Variants in GALNT13 observed in about 807,000 individuals in gnomAD.
GALNT13 encodes UDP-GalNAc:polypeptide N-acetylgalactosaminyltransferase 13.
Under a neutral mutation model 64.2 loss-of-function variants are expected in GALNT13, and 28 were observed. The observed-to-expected ratio is 0.44, with a 90% CI of 0.32 to 0.60. The LOEUF (loss-of-function observed/expected upper bound fraction) is 0.60, where lower values mean the gene tolerates loss of function less well. Among genes scored for constraint, GALNT13 ranks in the 20% least tolerant of loss-of-function variants. GALNT13 has a pLI of 0.05. For missense variants in GALNT13, 577 were observed against 669.8 expected, an observed-to-expected ratio of 0.86 and a Z score of 1.53; for synonymous variants, 214 against 224.6, an observed-to-expected ratio of 0.95 and a Z score of 0.42.
chr2:153,923,256 T>C (rs985719892), intron 2 of GALNT13, among the ~76,000 whole-genome samples: 1 of 152,218 alleles, frequency 6.6e-6, no homozygotes, highest in South Asian at 2.1e-4. Flanking sequence ...ATGTATTAGT[T>C]AATAGCTTTA....
At chr2:154,129,202 A>G (rs962633993) in intron 3 of GALNT13, among the ~76,000 whole-genome samples, 2 of 152,132 alleles carry the variant, frequency 1.3e-5, no homozygotes, top group African/African-American at 4.8e-5. Context: ...CCGCCATCCC[A>G]ATTACCACAC....
intron 3 of GALNT13, among the ~76,000 whole-genome samples, chr2:154,017,672 G>T (rs967727751): frequency 1.3e-5 from 2 of 152,016 alleles, no homozygotes; most frequent in African/African-American, 4.8e-5. Context: ...TATTCGTATC[G>T]CTCTGGCAAA....
chr2:154,160,542 AT>A (rs1175046372), intron 4 of GALNT13, among the ~76,000 whole-genome samples: 1 of 152,142 alleles, frequency 6.6e-6, no homozygotes, highest in Non-Finnish European at 1.5e-5. Context: ...TTTCAAGATG[AT>A]TCCTGCCTTA....
chr2:153,393,574 G>T, the GALNT13 span, among the ~76,000 whole-genome samples: 1 of 151,934 alleles, frequency 6.6e-6, no homozygotes, highest in African/African-American at 2.4e-5. Flanking sequence ...TTACATCAAA[G>T]GTTAATTTTA....
chr2:153,664,421 C>G, the GALNT13 span, among the ~76,000 whole-genome samples: 1 of 152,196 alleles, frequency 6.6e-6, no homozygotes, highest in Non-Finnish European at 1.5e-5. Flanking sequence ...CTGAAAATCG[C>G]TGTTATCCTG....
chr2:154,024,332 C>T (rs1340005461), intron 3 of GALNT13, among the ~76,000 whole-genome samples: 1 of 152,290 alleles, frequency 6.6e-6, no homozygotes, highest in South Asian at 2.1e-4. Flanking sequence ...TTCAGGTACA[C>T]CAATCAGACA....
chr2:154,317,416 A>G (rs1694381736), intron 9 of GALNT13, among the ~76,000 whole-genome samples: 1 of 152,184 alleles, frequency 6.6e-6, no homozygotes, highest in Non-Finnish European at 1.5e-5. Flanking sequence ...AGAAATATTC[A>G]AAGGCTAGAT....
the GALNT13 span, among the ~76,000 whole-genome samples, chr2:153,401,069 A>T: frequency 6.6e-6 from 1 of 152,042 alleles, no homozygotes; most frequent in African/African-American, 2.4e-5. Context: ...ATTTAGTGCT[A>T]TAAATTTCCC....
the GALNT13 span, among the ~76,000 whole-genome samples, chr2:153,754,227 C>T: frequency 6.6e-6 from 1 of 152,184 alleles, no homozygotes. Context: ...AGGTGCAAGA[C>T]AAAGTCTCTT....
the GALNT13 span, among the ~76,000 whole-genome samples, chr2:153,644,529 T>C: frequency 6.6e-6 from 1 of 151,816 alleles, no homozygotes; most frequent in East Asian, 1.9e-4. Context: ...GATCTCGGAT[T>C]TTTGTTTTTT....
chr2:153,689,684 T>C, the GALNT13 span, among the ~76,000 whole-genome samples: 6 of 152,062 alleles, frequency 3.9e-5, no homozygotes, highest in Non-Finnish European at 5.9e-5. Context: ...TAATTCCTAA[T>C]GAAGTCAGCG....
chr2:154,453,295 T>C lies in GALNT13; in HGVS notation c.*2744T>C, dbSNP rs1295131656. On this transcript the variant is annotated 3_prime_UTR_variant, in exon 13 of 13. Transcript: ENST00000392825. ...CTTCTCCCTCCGGTGGCCTTCAAGGTCCTTTATGAGTGTTACCCCTCTACA... is the reference window on the plus strand; with the variant it reads ...CTTCTCCCTCCGGTGGCCTTCAAGGCCCTTTATGAGTGTTACCCCTCTACA... The C allele has an allele frequency of 6.6e-6, 1 of 151,956 alleles. No individual in the cohort carries two copies. Among genetic ancestry groups the C allele is most frequent in the Non-Finnish European group, 1.5e-5 (1 of 68,010 alleles). 9.4% of individuals were successfully genotyped at this position (151,956 alleles called of 1,614,324 possible).
intron 8 of GALNT13, among the ~76,000 whole-genome samples, chr2:154,260,523 A>C (rs903661578): frequency 6.6e-6 from 1 of 152,182 alleles, no homozygotes; most frequent in Non-Finnish European, 1.5e-5. Flanking sequence ...ACCTTAGTTA[A>C]TGGAATTTTA....
intron 2 of GALNT13, among the ~76,000 whole-genome samples, chr2:153,912,758 C>T (rs971536732): frequency 6.6e-6 from 1 of 152,128 alleles, no homozygotes; most frequent in African/African-American, 2.4e-5. Flanking sequence ...TTTCTGGCCC[C>T]TCATGGTTAG....
chr2:153,830,103 A>G, the GALNT13 span, among the ~76,000 whole-genome samples: 8 of 152,294 alleles, frequency 5.3e-5, no homozygotes, highest in Admixed American at 1.3e-4. Flanking sequence ...ATTTTTATGT[A>G]TTACCTAGAC....
intron 3 of GALNT13, among the ~76,000 whole-genome samples, chr2:154,057,132 C>T (rs1047504641): frequency 6.6e-6 from 1 of 151,996 alleles, no homozygotes. Flanking sequence ...TGGGTTCAAG[C>T]GATTCTCCTG....
intron 3 of GALNT13, among the ~76,000 whole-genome samples, chr2:154,107,867 A>G (rs1238569240): frequency 6.6e-6 from 1 of 152,044 alleles, no homozygotes; most frequent in East Asian, 1.9e-4. Flanking sequence ...GTAATTGTAT[A>G]TCTATGCCTG....
intron 1 of GALNT13, among the ~76,000 whole-genome samples, chr2:153,893,109 A>G (rs1687658360): frequency 6.6e-6 from 1 of 152,090 alleles, no homozygotes; most frequent in Non-Finnish European, 1.5e-5. Flanking sequence ...TCCAATCATT[A>G]TAACTACATT....
At chr2:153,107,789 C>G in the GALNT13 span, among the ~76,000 whole-genome samples, 1 of 152,064 alleles carries the variant, frequency 6.6e-6, no homozygotes, top group African/African-American at 2.4e-5. Flanking sequence ...AGAGAAATAG[C>G]TCCACATTGC....
Sources: allele counts gnomAD v4.1 joint callset (sites outside exome capture counted in the v4.1 genomes callset), GRCh38; gene constraint gnomAD v4.1.1; transcripts MANE v1.5; gene names NCBI Gene and HGNC (gene_info 2026-07-23, HGNC 2026-07-21).